Variants in DPF3 observed in about 807,000 individuals in gnomAD.
The protein encoded by DPF3 is zinc finger protein DPF3.
Under a neutral mutation model 56.8 loss-of-function variants are expected in DPF3, and 18 were observed. The observed-to-expected ratio is 0.32, with a 90% CI of 0.22 to 0.47. DPF3 has a LOEUF of 0.47. Ranked by LOEUF, DPF3 falls within the 20% of genes least tolerant of loss-of-function variation. DPF3 has a pLI of 1.00. For missense variants in DPF3, 403 were observed against 488.8 expected (o/e 0.82, Z 1.65); for synonymous variants, 188 against 180.2 (o/e 1.04, Z -0.35).
intron 3 of DPF3, among the ~76,000 whole-genome samples, chr14:72,752,892 T>C (rs937707463): frequency 5.3e-5 from 8 of 152,124 alleles, no homozygotes; most frequent in African/African-American, 1.9e-4. Flanking sequence ...CTTAGAAACA[T>C]ACAAACTGGG....
chr14:72,881,099 C>A (rs1886304528), intron 1 of DPF3, among the ~76,000 whole-genome samples: 1 of 152,168 alleles, frequency 6.6e-6, no homozygotes, highest in African/African-American at 2.4e-5. Context: ...CCAGTCCTTC[C>A]CTAAAGCCAT....
chr14:72,641,953 A>G (rs1425900180), intron 8 of DPF3, among the ~76,000 whole-genome samples: 1 of 152,166 alleles, frequency 6.6e-6, no homozygotes, highest in African/African-American at 2.4e-5. Flanking sequence ...GAAGCCAGCT[A>G]TTGTGTTGTG....
chr14:72,893,351 T>C (rs1886852036), intron 1 of DPF3, among the ~76,000 whole-genome samples: 1 of 151,866 alleles, frequency 6.6e-6, no homozygotes. Flanking sequence ...GCCAGCTCGC[T>C]CGCAAATACA....
chr14:72,883,607 A>C (rs1275056584), intron 1 of DPF3, among the ~76,000 whole-genome samples: 1 of 152,162 alleles, frequency 6.6e-6, no homozygotes, highest in African/African-American at 2.4e-5. Flanking sequence ...ATCTGACCCC[A>C]CCGCAATGCT....
intron 8 of DPF3, among the ~76,000 whole-genome samples, chr14:72,645,032 T>C (rs915337072): frequency 2.6e-5 from 4 of 152,244 alleles, no homozygotes; most frequent in African/African-American, 7.2e-5. Flanking sequence ...AGAGTTTGCA[T>C]ACAAGAAGAA....
At chr14:72,794,134 C>T (rs902802612) in intron 1 of DPF3, among the ~76,000 whole-genome samples, 1 of 152,228 alleles carries the variant, frequency 6.6e-6, no homozygotes, top group Admixed American at 6.5e-5. Flanking sequence ...AGCTGTTGAA[C>T]TCTGTGAGCT....
chr14:72,759,228 A>G (rs1174522754), intron 2 of DPF3, among the ~76,000 whole-genome samples: 1 of 152,252 alleles, frequency 6.6e-6, no homozygotes, highest in Non-Finnish European at 1.5e-5. Flanking sequence ...AAACTTGAAA[A>G]CACAGCAATA....
At chr14:72,785,007 C>T (rs1474940937) in intron 1 of DPF3, among the ~76,000 whole-genome samples, 1 of 151,816 alleles carries the variant, frequency 6.6e-6, no homozygotes, top group East Asian at 1.9e-4. Context: ...AAGAAAAGGC[C>T]AGGCACAGCA....
In DPF3 at chr14:72,611,588, A is replaced by G. The variant is rs575957335; in HGVS notation, c.*7709T>C. ...TGGGGGTCATTTTCTGCCTCTGATC[A>G]GGCCCTGCCAGTTGCACCTCCCTGC... On this transcript the variant is annotated 3_prime_UTR_variant, in exon 11 of 11. Coordinates refer to ENST00000556509, the MANE Select transcript of DPF3 (RefSeq NM_001280542.3). 6.6e-6 allele frequency among the ~76,000 whole-genome samples: 1 copy of G among 152,144 alleles called. No homozygotes were observed. Among genetic ancestry groups the G allele is most frequent in the South Asian group, 2.1e-4 (1 of 4,826 alleles).
intron 1 of DPF3, chr14:72,879,821 T>TC: frequency 6.5e-7 from 1 of 1,535,556 alleles, no homozygotes; most frequent in Admixed American, 2.0e-5. Flanking sequence ...CCCATGGGCC[T>TC]CCAGGGCATC....
At chr14:72,788,822 G>A (rs1422258738) in intron 1 of DPF3, among the ~76,000 whole-genome samples, 6 of 152,304 alleles carry the variant, frequency 3.9e-5, no homozygotes, top group Non-Finnish European at 7.3e-5. Context: ...GAGAGTTAAC[G>A]TCCCAAAGTT....
At chr14:72,749,646 G>A (rs560351703) in intron 3 of DPF3, among the ~76,000 whole-genome samples, 206 of 152,286 alleles carry the variant, frequency 1.4e-3, no homozygotes, top group African/African-American at 4.7e-3. Context: ...GGAAGGACCC[G>A]GTGGGAGATG....
chr14:72,875,778 T>A (rs1886089077), intron 1 of DPF3, among the ~76,000 whole-genome samples: 1 of 149,680 alleles, frequency 6.7e-6, no homozygotes, highest in Admixed American at 6.7e-5. Flanking sequence ...TGGAAGGAAG[T>A]GGCCAGCACA....
Position 72,693,222 on chromosome 14 carries a change from G to C in DPF3, c.605-9C>G, listed in dbSNP as rs1249284995. Reference sequence around the variant, plus strand: ...GTAGCGCTTGCCACAGACTAGAGAGGAAAAGAGGAAAAAAGGGAGAGATAC... The same window carrying C: ...GTAGCGCTTGCCACAGACTAGAGAGCAAAAGAGGAAAAAAGGGAGAGATAC... On this transcript the variant is annotated splice_polypyrimidine_tract_variant and intron_variant, in intron 6 of 10. Coordinates refer to ENST00000556509, the MANE Select transcript of DPF3 (RefSeq NM_001280542.3). 1 of 1,607,154 alleles carries C rather than the reference G, an allele frequency of 6.2e-7. No homozygotes were observed. The highest frequency in any genetic ancestry group is 1.3e-5 in the African/African-American group (1 of 74,214).
At chr14:72,681,223 A>G (rs930756476) in intron 7 of DPF3, among the ~76,000 whole-genome samples, 1 of 152,216 alleles carries the variant, frequency 6.6e-6, no homozygotes, top group Non-Finnish European at 1.5e-5. Context: ...CTAGGAATTG[A>G]GTGGACGGAG....
chr14:72,884,654 C>T (rs985022634), intron 1 of DPF3, among the ~76,000 whole-genome samples: 1 of 151,718 alleles, frequency 6.6e-6, no homozygotes, highest in African/African-American at 2.4e-5. Context: ...CACCGTGCTT[C>T]CACCCACCTC....
intron 1 of DPF3, among the ~76,000 whole-genome samples, chr14:72,777,196 T>C (rs986422991): frequency 3.3e-5 from 5 of 152,148 alleles, no homozygotes. Flanking sequence ...CACTCAGCTG[T>C]TCACACCGCC....
intron 3 of DPF3, among the ~76,000 whole-genome samples, chr14:72,733,233 C>T (rs987588151): frequency 6.6e-6 from 1 of 152,208 alleles, no homozygotes; most frequent in Non-Finnish European, 1.5e-5. Flanking sequence ...CTTACCATTG[C>T]ACCAGGTAAG....
intron 1 of DPF3, among the ~76,000 whole-genome samples, chr14:72,879,157 G>A (rs1886228522): frequency 1.3e-5 from 2 of 152,210 alleles, no homozygotes; most frequent in South Asian, 4.1e-4. Flanking sequence ...GCCGAGGCGG[G>A]TGGATCACTG....
Sources: gnomAD v4.1 joint callset for allele counts (sites outside exome capture counted in the v4.1 genomes callset) on GRCh38, gnomAD v4.1.1 for gene constraint, MANE v1.5 for transcripts, NCBI Gene and HGNC (gene_info 2026-07-23, HGNC 2026-07-21) for gene names.